The following MIDEAS variants were observed in gnomAD, a reference collection of about 807,000 sequenced individuals.
MIDEAS encodes mitotic deacetylase associated SANT domain protein, also known as mitotic deacetylase-associated SANT domain protein.
MIDEAS carries 26 observed loss-of-function variants against 102.7 expected under a neutral mutation model. That is an observed-to-expected ratio of 0.25 (90% confidence interval 0.19 to 0.35). The LOEUF (loss-of-function observed/expected upper bound fraction) is 0.35. Among genes scored for constraint, MIDEAS ranks in the 10% least tolerant of loss-of-function variants. The pLI, the probability that MIDEAS is intolerant of heterozygous loss-of-function variation, is 1.00. For missense variants in MIDEAS, 1,231 were observed against 1,435.6 expected (o/e 0.86, Z 2.30); for synonymous variants, 585 against 591.0 (o/e 0.99, Z 0.15).
At chr14:73,765,231 A>T (rs2053584231), upstream of MIDEAS, among the ~76,000 whole-genome samples, 1 of 152,356 alleles carries the variant, frequency 6.6e-6, no homozygotes, top group Non-Finnish European at 1.5e-5. Context: ...GCTTTAAAGC[A>T]CTGATTTTAA....
chr14:73,784,986 G>A (rs2053793030), intron 1 of MIDEAS, among the ~76,000 whole-genome samples: 1 of 152,190 alleles, frequency 6.6e-6, no homozygotes, highest in Admixed American at 6.5e-5. Flanking sequence ...TCCAGGTGAA[G>A]CTCAGATACT....
chr14:73,785,719 C>T (rs2053801378), intron 1 of MIDEAS, among the ~76,000 whole-genome samples: 1 of 152,170 alleles, frequency 6.6e-6, no homozygotes, highest in African/African-American at 2.4e-5. Flanking sequence ...TTCCTACTGA[C>T]GTCATCCCAC....
At chr14:73,722,975 G>T in intron 9 of MIDEAS, 128 bp from the exon 10 acceptor site, 1 of 1,018,608 alleles carries the variant, frequency 9.8e-7, no homozygotes, top group Non-Finnish European at 1.5e-6. Flanking sequence ...GCCAACCCAG[G>T]CAATACAAGC....
In MIDEAS at chr14:73,729,855, A is replaced by T; in HGVS notation, c.1880T>A (p.Ile627Asn). 1 of 1,613,888 alleles carries T rather than the reference A, an allele frequency of 6.2e-7. No individual in the cohort carries two copies. The highest frequency in any genetic ancestry group is 8.5e-7 in the Non-Finnish European group (1 of 1,179,952). ...GCGCAGGTGGCTCTGGTATGGGGTG[A>T]TGTTGGAGTAGACGGGAGGGGCGAT... The part of the protein sequence containing the change: ...TFIAPPVYSN[I>N]TPYQSHLRSP... Residue 627 changes from isoleucine (I) to asparagine (N), a missense_variant, in exon 4 of 13, where the codon ATC becomes AAC. Ile to Asn is a moderately radical substitution (Grantham distance 149). This residue lies in a region of MIDEAS where 758 missense variants were observed against 856.0 expected (regional missense o/e 0.89). Transcript: ENST00000423556.
chr14:73,740,020 C>T lies in MIDEAS; in HGVS notation c.-12G>A. On this transcript the variant is annotated 5_prime_UTR_variant, in exon 2 of 13. Coordinates refer to ENST00000423556, the MANE Select transcript of MIDEAS (RefSeq NM_001367710.1). The stretch of plus-strand genomic sequence containing the variant: ...GCCTGGAGGTTCATGATGTGGCCAA[C>T]TGAGCCCTGGCGGTGAGATCCCCTT... The T allele has an allele frequency of 6.8e-7, 1 of 1,475,782 alleles. No individual in the cohort carries two copies. Among genetic ancestry groups the T allele is most frequent in the Non-Finnish European group, 9.0e-7 (1 of 1,110,802 alleles). The allele number at this position is 1,475,782 out of a possible 1,614,324, so 91.4% of individuals were successfully genotyped here.
At chr14:73,775,536 G>C (rs953584541) in intron 1 of MIDEAS, among the ~76,000 whole-genome samples, 1 of 151,968 alleles carries the variant, frequency 6.6e-6, no homozygotes, top group African/African-American at 2.4e-5. Context: ...GCATCTAAGC[G>C]ATCCAAGCCT....
intron 1 of MIDEAS, among the ~76,000 whole-genome samples, chr14:73,784,803 G>GT (rs2053791332): frequency 6.6e-6 from 1 of 152,224 alleles, no homozygotes; most frequent in African/African-American, 2.4e-5. Context: ...TGTGGCAACT[G>GT]TAACCATACA....
rs1436678845 is a variant in MIDEAS at position 73,777,508 on chromosome 14, T to TACCCCTTTCTC, written c.-248+9593_-248+9594insGAGAAAGGGGT. Among the ~76,000 whole-genome samples, 769 of 152,128 alleles carry TACCCCTTTCTC rather than the reference T, an allele frequency of 5.1e-3. 15 individuals are homozygous for TACCCCTTTCTC. The highest frequency in any genetic ancestry group is 9.3e-3 in the Non-Finnish European group (632 of 67,960). ...CTCTGGCCCATGGCCCGGCCCTGCCTGCCCCTTTCTGCACCCCTCTCAGCC... is the reference window on the plus strand; with the variant it reads ...CTCTGGCCCATGGCCCGGCCCTGCCTACCCCTTTCTCGCCCCTTTCTGCACCCCTCTCAGCC... On this transcript the variant is annotated intron_variant, in intron 1 of 11. Coordinates refer to the MIDEAS transcript ENST00000394071.
chr14:73,786,497 G>A (rs534282171), intron 1 of MIDEAS, among the ~76,000 whole-genome samples: 2 of 152,340 alleles, frequency 1.3e-5, no homozygotes, highest in East Asian at 3.9e-4. Context: ...TCAGGTTTGG[G>A]ACATGGTTGG....
chr14:73,734,952 G>A (rs963902431), intron 3 of MIDEAS, among the ~76,000 whole-genome samples: 1 of 152,166 alleles, frequency 6.6e-6, no homozygotes, highest in Non-Finnish European at 1.5e-5. Flanking sequence ...AGGAGAACAT[G>A]GGAAAGGCAA....
chr14:73,750,390 G>A (rs1479324577), intron 1 of MIDEAS, among the ~76,000 whole-genome samples: 4 of 152,154 alleles, frequency 2.6e-5, no homozygotes, highest in Non-Finnish European at 5.9e-5. Flanking sequence ...CTTCCCTGGG[G>A]GCATTTCCAA....
chr14:73,786,848 A>T (rs748506442), intron 1 of MIDEAS, among the ~76,000 whole-genome samples: 10 of 151,746 alleles, frequency 6.6e-5, no homozygotes, highest in Non-Finnish European at 1.3e-4. Flanking sequence ...CCTCAGGCCA[A>T]CGGCGCCTGG....
At chr14:73,767,269 C>T (rs2053599850) in intron 1 of MIDEAS, among the ~76,000 whole-genome samples, 1 of 152,170 alleles carries the variant, frequency 6.6e-6, no homozygotes, top group East Asian at 1.9e-4. Flanking sequence ...CTCCTAAATT[C>T]TGAGGCCTGC....
At chr14:73,777,067 C>CA (rs35173697) in intron 1 of MIDEAS, among the ~76,000 whole-genome samples, 51,536 of 150,608 alleles carry the variant, frequency 0.34, 10,593 homozygotes, top group East Asian at 0.7. Flanking sequence ...AAGACTGTCT[C>CA]AAAAAAAATA....
chr14:73,719,244 C>T (rs2140091223), intron 12 of MIDEAS, 61 bp downstream of exon 12: 1 of 1,537,630 alleles, frequency 6.5e-7, no homozygotes, highest in Non-Finnish European at 8.7e-7. Flanking sequence ...CCACCCCACC[C>T]CCGCCCCCTC....
chr14:73,750,210 G>T (rs2053404122), intron 1 of MIDEAS, among the ~76,000 whole-genome samples: 1 of 152,156 alleles, frequency 6.6e-6, no homozygotes, highest in South Asian at 2.1e-4. Context: ...GAGGGAAGTT[G>T]AGGCTCTGCT....
chr14:73,761,077 TGGTGCAGTGGTGGTGGTGGCGGCGGC>T (rs1199500007), upstream of MIDEAS, among the ~76,000 whole-genome samples: 1 of 151,894 alleles, frequency 6.6e-6, no homozygotes, highest in Non-Finnish European at 1.5e-5. Flanking sequence ...TTTTTGGTGG[TGGTGCAGTGGTGGTGGTGGCGGCGGC>T]GGTGGTGGCG....
rs369592057 is a variant in MIDEAS at position 73,737,945 on chromosome 14, CTAA to C, written c.1449+612_1449+614del. Among the ~76,000 whole-genome samples, 718 of 151,974 alleles carry C rather than the reference CTAA, an allele frequency of 4.7e-3. 3 individuals carry two copies. Among genetic ancestry groups the C allele is most frequent in the African/African-American group, 0.016 (675 of 41,526 alleles). On this transcript the variant is annotated intron_variant, in intron 2 of 12. Transcript: ENST00000423556. ...TACAGGCGTGCAGTACCACACCTGG[CTAA>C]TTTTTGTGTTTTTTGGTAGAGATAG... is the stretch of plus-strand genomic sequence containing the variant.
At position 73,721,353 on chromosome 14, in the gene MIDEAS, G is replaced by A. The variant is rs2052988267; in HGVS notation, c.2881C>T (p.Arg961Cys). ...EKEEQEEGRE[R>C]SRRAAAVKAT... ...TTGACTGCCGCTGCCCGCCTGCTGC[G>A]CTCTCGCCCCTCTTCCTGCTCCTCC... Residue 961 changes from arginine (R) to cysteine (C), a missense_variant, in exon 11 of 13, where the codon CGC becomes TGC. Physicochemically the swap from Arg to Cys is radical, Grantham distance 180. This residue lies in a region of MIDEAS where 391 missense variants were observed against 483.0 expected (regional missense o/e 0.81). Coordinates refer to ENST00000423556, the MANE Select transcript of MIDEAS (RefSeq NM_001367710.1). 13 of 1,613,978 alleles carry A rather than the reference G, an allele frequency of 8.1e-6. No homozygotes were observed. The highest frequency in any genetic ancestry group is 1.6e-4 in the Middle Eastern group (1 of 6,062).
Sources: allele counts gnomAD v4.1 joint callset (sites outside exome capture counted in the v4.1 genomes callset), GRCh38; gene constraint gnomAD v4.1.1; regional missense constraint gnomAD v4.1.1; transcripts MANE v1.5; gene names NCBI Gene and HGNC (gene_info 2026-07-23, HGNC 2026-07-21).